Variants in PIGR observed in about 807,000 individuals in gnomAD.
PIGR encodes hepatocellular carcinoma associated protein TB6.
Under a neutral mutation model 69.5 loss-of-function variants are expected in PIGR, and 22 were observed. The observed-to-expected ratio is 0.32, with a 90% CI of 0.23 to 0.45. The LOEUF is 0.45. Ranked by LOEUF, PIGR falls within the 20% of genes least tolerant of loss-of-function variation. PIGR has a pLI of 1.00. For synonymous variants in PIGR, 413 were observed against 407.6 expected (o/e 1.01, Z -0.16); for missense variants, 885 against 974.0 (o/e 0.91, Z 1.22).
Position 206,934,673 on chromosome 1 carries a change from A to T in PIGR, c.1452T>A (p.Phe484Leu). ...TCTCGTACGAGGAGAATTTGCATGG[A>T]AAGTGACAGGGGACCTTGAGAGTCT... Reference protein sequence around the residue: ...LGETLKVPCHFPCKFSSYEKY... With the variant: ...LGETLKVPCHLPCKFSSYEKY... Residue 484 changes from phenylalanine (F) to leucine (L), a missense_variant, in exon 6 of 11, where the codon TTT (phenylalanine) becomes TTA (leucine). Transcript: ENST00000356495. 6.2e-7 allele frequency: 1 copy of T among 1,613,892 alleles called. No individual in the cohort carries two copies.
At chr1:206,940,421 G>T in intron 2 of PIGR, 68 bp downstream of exon 2, 1 of 1,447,048 alleles carries the variant, frequency 6.9e-7, no homozygotes, top group Non-Finnish European at 9.5e-7. Context: ...TGTCCCCAGG[G>T]AGGTGAACCC....
intron 1 of PIGR, among the ~76,000 whole-genome samples, chr1:206,942,830 G>A (rs954401025): frequency 5.9e-5 from 9 of 152,220 alleles, no homozygotes; most frequent in African/African-American, 2.2e-4. Context: ...AGAGCATCAG[G>A]CATGCACAGG....
intron 1 of PIGR, among the ~76,000 whole-genome samples, chr1:206,945,735 A>G (rs1165925663): frequency 6.6e-6 from 1 of 152,250 alleles, no homozygotes; most frequent in African/African-American, 2.4e-5. Flanking sequence ...GGAAACCTCA[A>G]AGAATGGAAG....
rs374577831 is a variant in PIGR at position 206,935,460 on chromosome 1, C to T, written c.1378+26G>A. On this transcript the variant is annotated intron_variant, in intron 5 of 10. Coordinates refer to ENST00000356495, the MANE Select transcript of PIGR (RefSeq NM_002644.4). The surrounding 1 kb of genome is among the most constrained non-coding windows in gnomAD (Gnocchi z 4.4). ...GCTGCTGGCTGGAGAGGTTTTAGAG[C>T]TTTCTCCCTCCCTGTCAACTCCTAC... 3.8e-6 allele frequency: 6 copies of T among 1,577,272 alleles called. No individual in the cohort carries two copies. The highest frequency in any genetic ancestry group is 3.4e-5 in the Admixed American group (2 of 59,046).
chr1:206,933,191 G>T, intron 6 of PIGR, 25 bp from the exon 7 acceptor site: 5 of 1,610,746 alleles, frequency 3.1e-6, no homozygotes, highest in Non-Finnish European at 4.2e-6. Flanking sequence ...AGTGGGCCTG[G>T]GTTGTGATTT....
At position 206,937,593 on chromosome 1, in the gene PIGR, C is replaced by T. The variant is rs573198040; in HGVS notation, c.547G>A (p.Val183Ile). 1 of 1,614,080 alleles carries T rather than the reference C, an allele frequency of 6.2e-7. No homozygotes were observed. The highest frequency in any genetic ancestry group is 2.2e-5 in the East Asian group (1 of 44,890). ...PVLVIDSSGY[V>I]NPNYTGRIRL... ...ATTCTTCCTGTATAGTTGGGATTTA[C>T]ATAACCACTGGAGTCGATGACCAGC... Residue 183 changes from valine to isoleucine, a missense_variant, in exon 4 of 11, where the codon GTA (valine) becomes ATA (isoleucine). Val to Ile is a conservative substitution (Grantham distance 29). Transcript: ENST00000356495.
At position 206,934,169 on chromosome 1, in the gene PIGR, G is replaced by A. The variant is rs558524684; in HGVS notation, c.1705+251C>T. ...GAGCCACCACATTCAGCTGGGAGTT[G>A]TCTTAATGCCGAGGTTAAATAGCAA... is the stretch of plus-strand genomic sequence containing the variant. On this transcript the variant is annotated intron_variant, in intron 6 of 10. Coordinates refer to ENST00000356495, the MANE Select transcript of PIGR (RefSeq NM_002644.4). Among the ~76,000 whole-genome samples, 6 of 152,270 alleles carry A rather than the reference G, an allele frequency of 3.9e-5. No homozygotes were observed. The East Asian group carries it at 9.6e-4, about 24-fold the overall frequency.
chr1:206,932,665 C>T, intron 7 of PIGR, 88 bp from the exon 8 acceptor site: 1 of 1,448,754 alleles, frequency 6.9e-7, no homozygotes, highest in Non-Finnish European at 9.2e-7. Context: ...GTCCTTTTTC[C>T]TCCCAGGTTT....
intron 1 of PIGR, among the ~76,000 whole-genome samples, chr1:206,943,294 C>T (rs1026632963): frequency 2.0e-5 from 3 of 152,080 alleles, no homozygotes; most frequent in Middle Eastern, 3.2e-3. Flanking sequence ...GATTCTCGAC[C>T]CCAAGACCCA....
chr1:206,932,870 G>T, intron 7 of PIGR, 116 bp downstream of exon 7: 1 of 1,047,742 alleles, frequency 9.5e-7, no homozygotes, highest in Non-Finnish European at 1.4e-6. Context: ...GAGGTAGTAA[G>T]GGCTGCCCCA....
chr1:206,931,752 C>G lies in PIGR; in HGVS notation c.2059G>C (p.Glu687Gln), dbSNP rs775192099. The part of the protein sequence containing the change: ...YRTDISMSDF[E>Q]NSREFGANDN... ...TTGGCTCCAAATTCCCTGGAGTTCTCGAAGTCTGACATGCTAATGTCTGTC... is the reference window on the plus strand; with the variant it reads ...TTGGCTCCAAATTCCCTGGAGTTCTGGAAGTCTGACATGCTAATGTCTGTC... Residue 687 changes from glutamate to glutamine, a missense_variant, in exon 9 of 11, where the codon GAG (glutamate) becomes CAG (glutamine). Transcript: ENST00000356495. 4 of 1,614,088 alleles carry G rather than the reference C, an allele frequency of 2.5e-6. No individual in the cohort carries two copies. Among genetic ancestry groups the G allele is most frequent in the Middle Eastern group, 3.3e-4 (2 of 6,062 alleles).
chr1:206,933,392 C>CA (rs1202568831), intron 6 of PIGR, among the ~76,000 whole-genome samples: 1 of 152,166 alleles, frequency 6.6e-6, no homozygotes, highest in Non-Finnish European at 1.5e-5. Context: ...TGGGGACCTT[C>CA]AAGGCTTCGT....
In PIGR at chr1:206,932,949, G is replaced by A. The variant is rs767938399; in HGVS notation, c.1886+37C>T. ...CCAGCCTCAGGTGCTCGGCTCTGGG[G>A]TGTTCTCCGAGTGGGGAGCCTTGAA... On this transcript the variant is annotated intron_variant, in intron 7 of 10. Coordinates refer to ENST00000356495, the MANE Select transcript of PIGR (RefSeq NM_002644.4). 3 of 1,604,992 alleles carry A rather than the reference G, an allele frequency of 1.9e-6. 1 individual carries two copies. The South Asian group carries it at 3.3e-5, about 18-fold the overall frequency.
chr1:206,943,019 C>T (rs182487987), intron 1 of PIGR, among the ~76,000 whole-genome samples: 3 of 152,342 alleles, frequency 2.0e-5, no homozygotes, highest in Admixed American at 2.0e-4. Context: ...AGAATCATTA[C>T]AGACCCCTTC....
intron 6 of PIGR, among the ~76,000 whole-genome samples, chr1:206,933,455 T>G (rs1296070401): frequency 6.6e-6 from 1 of 152,056 alleles, no homozygotes; most frequent in Non-Finnish European, 1.5e-5. Flanking sequence ...CCCGGGAGAT[T>G]TTCAAGGCTC....
At position 206,930,726 on chromosome 1, in the gene PIGR, C is replaced by T. The variant is rs537157380; in HGVS notation, c.2200-313G>A. The stretch of plus-strand genomic sequence containing the variant: ...CAGTCCACGGGCAAGGTGGCCTAGG[C>T]TGGGGTCAACCACGGTGGTGTATGT... On this transcript the variant is annotated intron_variant, in intron 10 of 10. Transcript: ENST00000356495. This position sits in a 1 kb window ranked among gnomAD's most constrained non-coding sequence, Gnocchi z 4.3. The T allele has an allele frequency of 1.6e-4, 153 of 985,430 alleles. 1 individual carries two copies. In the South Asian group the frequency reaches 1.9e-3, roughly 12 times the overall value. 61.0% of individuals were successfully genotyped at this position (985,430 alleles called of 1,614,324 possible). A position where few individuals can be genotyped will look rare whatever the true frequency, so the allele number is the denominator to read the frequency against.
In PIGR at chr1:206,937,716, C is replaced by G. The variant is rs761373561; in HGVS notation, c.424G>C (p.Val142Leu). The change falls in exon 4 of 11, where the codon GTG becomes CTG. Residue 142 changes from valine to leucine, a missense_variant. By Grantham distance (32) the Val-to-Leu change is conservative. Transcript: ENST00000356495. ...ATGGTCACCGTTCTGCCCAGGTCCA[C>G]TGTGTAGACTTTAGTGTCATTTAGG... is the stretch of plus-strand genomic sequence containing the variant. The part of the protein sequence containing the change: ...GLLNDTKVYT[V>L]DLGRTVTINC... 4.3e-6 allele frequency: 7 copies of G among 1,613,982 alleles called. No homozygotes were observed. Among genetic ancestry groups the G allele is most frequent in the Non-Finnish European group, 5.1e-6 (6 of 1,180,020 alleles).
At chr1:206,942,250 A>T (rs986899621) in intron 1 of PIGR, among the ~76,000 whole-genome samples, 1 of 152,170 alleles carries the variant, frequency 6.6e-6, no homozygotes, top group African/African-American at 2.4e-5. Flanking sequence ...TAATGCCTGG[A>T]GTGGGGCCTT....
intron 1 of PIGR, among the ~76,000 whole-genome samples, chr1:206,945,377 C>T (rs1396894248): frequency 6.6e-6 from 1 of 152,154 alleles, no homozygotes; most frequent in African/African-American, 2.4e-5. Flanking sequence ...GAGCTTGACC[C>T]GCTGCTGCCC....
Sources: allele counts gnomAD v4.1 joint callset (sites outside exome capture counted in the v4.1 genomes callset), GRCh38; gene constraint gnomAD v4.1.1; non-coding constraint Gnocchi (gnomAD v3.1); transcripts MANE v1.5; gene names NCBI Gene and HGNC (gene_info 2026-07-23, HGNC 2026-07-21).